DLC1: variants seen among roughly 807,000 people sequenced by gnomAD.
DLC1 encodes the protein DLC1 Rho GTPase activating protein.
In DLC1, 54 loss-of-function variants were observed where a neutral mutation model predicts 140.3. The ratio of observed to expected loss-of-function variants is 0.38; its 90% CI spans 0.31 to 0.48. The LOEUF (loss-of-function observed/expected upper bound fraction) is 0.48, where lower values mean the gene tolerates loss of function less well. DLC1 is among the 20% of genes least tolerant of loss of function. The probability of loss-of-function intolerance (pLI) is 0.96; values close to 1 mark genes in which losing one functional copy is unlikely to be tolerated. For synonymous variants in DLC1, 986 were observed against 728.1 expected (o/e 1.35, Z -5.70); for missense variants, 2,536 against 1,907.0 (o/e 1.33, Z -6.14).
At chr8:13,236,473 T>G (rs562299429) in intron 5 of DLC1, among the ~76,000 whole-genome samples, 1 of 152,250 alleles carries the variant, frequency 6.6e-6, no homozygotes, top group South Asian at 2.1e-4. Context: ...AATTAGCCTA[T>G]CAACCTTGTC....
chr8:13,089,566 A>G (rs1301904854), intron 15 of DLC1, among the ~76,000 whole-genome samples: 1 of 152,204 alleles, frequency 6.6e-6, no homozygotes, highest in Non-Finnish European at 1.5e-5. Context: ...CAGAGGTTGC[A>G]GTGAGCCGAG....
chr8:13,191,005 G>C (rs1411147552), intron 5 of DLC1, among the ~76,000 whole-genome samples: 5 of 151,860 alleles, frequency 3.3e-5, no homozygotes, highest in African/African-American at 1.2e-4. Flanking sequence ...GGGAGTGCTG[G>C]GGGATTATAT....
intron 14 of DLC1, among the ~76,000 whole-genome samples, chr8:13,090,781 T>A (rs1236680617): frequency 2.6e-5 from 4 of 151,182 alleles, no homozygotes; most frequent in Non-Finnish European, 4.4e-5. Flanking sequence ...TAATTCCAGA[T>A]AATTTGTTGC....
rs74968407 is a variant in DLC1 at position 13,265,365 on chromosome 8, A to G, written c.1348+39904T>C. Reference sequence around the variant, plus strand: ...AAAGAAAAATAGTAGGCAATCACAAAAGAAGTTTGAGAGTGGGAGTATGTG... The same window carrying G: ...AAAGAAAAATAGTAGGCAATCACAAGAGAAGTTTGAGAGTGGGAGTATGTG... On this transcript the variant is annotated intron_variant, in intron 5 of 17. Transcript: ENST00000276297. Among the ~76,000 whole-genome samples, 924 of 152,300 alleles carry G rather than the reference A, an allele frequency of 6.1e-3. 13 individuals carry two copies. The highest frequency in any genetic ancestry group is 0.021 in the African/African-American group (882 of 41,548).
chr8:13,225,118 C>A (rs1828731236), intron 5 of DLC1, among the ~76,000 whole-genome samples: 1 of 152,170 alleles, frequency 6.6e-6, no homozygotes, highest in South Asian at 2.1e-4. Context: ...TCTGTTCCCT[C>A]CTTGCCTCAG....
chr8:13,171,587 A>C (rs946747073), intron 5 of DLC1, among the ~76,000 whole-genome samples: 1 of 151,984 alleles, frequency 6.6e-6, no homozygotes, highest in Non-Finnish European at 1.5e-5. Flanking sequence ...TAGAGAAACA[A>C]GGGTTGTCCA....
chr8:13,552,962 T>C (rs1157768083), intron 1 of DLC1, among the ~76,000 whole-genome samples: 1 of 151,542 alleles, frequency 6.6e-6, no homozygotes, highest in Non-Finnish European at 1.5e-5. Flanking sequence ...AAAAGCAGTA[T>C]GTTTGGAAGA....
At chr8:13,110,254 G>C (rs1819968330) in intron 7 of DLC1, among the ~76,000 whole-genome samples, 1 of 152,068 alleles carries the variant, frequency 6.6e-6, no homozygotes, top group Admixed American at 6.6e-5. Context: ...TTAACTGTCT[G>C]TTGCCTATAT....
intron 4 of DLC1, among the ~76,000 whole-genome samples, chr8:13,331,716 T>A (rs1833597291): frequency 6.6e-6 from 1 of 152,098 alleles, no homozygotes; most frequent in South Asian, 2.1e-4. Context: ...AAACTTTTCA[T>A]AAAACCTGAA....
chr8:13,484,375 T>G (rs1048039201), intron 2 of DLC1, among the ~76,000 whole-genome samples: 1 of 152,214 alleles, frequency 6.6e-6, no homozygotes, highest in Admixed American at 6.5e-5. Context: ...TCTCTACCTA[T>G]GATTAGCCCA....
At chr8:13,301,990 G>A (rs1031436880) in intron 5 of DLC1, among the ~76,000 whole-genome samples, 2 of 152,146 alleles carry the variant, frequency 1.3e-5, no homozygotes, top group Admixed American at 6.5e-5. Context: ...AGACTCCAGC[G>A]ACATGATGGA....
chr8:13,490,035 C>T (rs1801164021), intron 2 of DLC1, among the ~76,000 whole-genome samples: 1 of 90,190 alleles, frequency 1.1e-5, no homozygotes. Context: ...ATGAAAGGCT[C>T]ACAAAGGTTA....
At chr8:13,520,794 G>T (rs1355169971) in intron 1 of DLC1, among the ~76,000 whole-genome samples, 2 of 152,162 alleles carry the variant, frequency 1.3e-5, no homozygotes, top group South Asian at 2.1e-4. Flanking sequence ...GTCTGTGTGT[G>T]CCCTGCCCAT....
intron 2 of DLC1, among the ~76,000 whole-genome samples, chr8:13,441,993 G>T (rs1340598077): frequency 6.6e-6 from 1 of 152,124 alleles, no homozygotes; most frequent in African/African-American, 2.4e-5. Flanking sequence ...CATGGTACTG[G>T]TACCAAAACA....
chr8:13,215,138 C>T (rs957624686), intron 5 of DLC1, among the ~76,000 whole-genome samples: 3 of 152,162 alleles, frequency 2.0e-5, no homozygotes, highest in Non-Finnish European at 2.9e-5. Context: ...TACATGCTAA[C>T]GGAGCCTACT....
intron 2 of DLC1, among the ~76,000 whole-genome samples, chr8:13,466,166 C>A (rs558618048): frequency 6.6e-6 from 1 of 152,278 alleles, no homozygotes; most frequent in East Asian, 1.9e-4. Flanking sequence ...TTAGAACCCC[C>A]ATGGGAATCC....
chr8:13,156,113 G>A (rs1432568831), intron 5 of DLC1, among the ~76,000 whole-genome samples: 1 of 152,068 alleles, frequency 6.6e-6, no homozygotes, highest in Admixed American at 6.5e-5. Flanking sequence ...GCAAAGATGT[G>A]GCGACAGTAT....
At chr8:13,154,061 G>T (rs1006967108) in intron 5 of DLC1, among the ~76,000 whole-genome samples, 1 of 152,152 alleles carries the variant, frequency 6.6e-6, no homozygotes, top group African/African-American at 2.4e-5. Context: ...GTGCTGATTG[G>T]TGCATTTACA....
chr8:13,200,598 T>TTG (rs928766667), intron 5 of DLC1, among the ~76,000 whole-genome samples: 17 of 151,976 alleles, frequency 1.1e-4, no homozygotes, highest in Admixed American at 6.6e-4. Flanking sequence ...GTTGTTGTTG[T>TTG]TGTGTGTGTG....
Sources: gnomAD v4.1 joint callset for allele counts (sites outside exome capture counted in the v4.1 genomes callset) on GRCh38, gnomAD v4.1.1 for gene constraint, MANE v1.5 for transcripts, NCBI Gene and HGNC (gene_info 2026-07-23, HGNC 2026-07-21) for gene names.